ESCO1: variants seen among roughly 807,000 people sequenced by gnomAD.
ESCO1 encodes N-acetyltransferase ESCO1.
A neutral mutation model predicts 83.5 loss-of-function variants in ESCO1; 33 were observed. The observed-to-expected ratio is 0.40, with a 90% confidence interval of 0.30 to 0.53. The LOEUF is 0.53. Among genes scored for constraint, ESCO1 ranks in the 20% least tolerant of loss-of-function variants. The probability of loss-of-function intolerance (pLI) is 0.63; values close to 1 mark genes in which losing one functional copy is unlikely to be tolerated. For missense variants in ESCO1, 855 were observed against 968.0 expected, an observed-to-expected ratio of 0.88 and a Z score of 1.55; for synonymous variants, 332 against 324.3, an observed-to-expected ratio of 1.02 and a Z score of -0.25.
At chr18:21,592,766 C>T (rs1203413877) in intron 1 of ESCO1, among the ~76,000 whole-genome samples, 3 of 147,670 alleles carry the variant, frequency 2.0e-5, no homozygotes, top group African/African-American at 5.1e-5. Context: ...GGGCGGCTGC[C>T]GGGCGGAGGG....
intron 1 of ESCO1, among the ~76,000 whole-genome samples, chr18:21,590,096 G>C (rs1325346832): frequency 6.6e-6 from 1 of 152,028 alleles, no homozygotes; most frequent in African/African-American, 2.4e-5. Context: ...CAAAGTGCTG[G>C]GATTACAGGC....
intron 7 of ESCO1, 96 bp from the exon 8 acceptor site, chr18:21,561,086 T>C (rs1287585823): frequency 1.9e-5 from 22 of 1,188,624 alleles, no homozygotes; most frequent in African/African-American, 1.3e-4. Flanking sequence ...AAAGTAAGAA[T>C]TGTTTAATCT....
chr18:21,568,106 T>C lies in ESCO1; in HGVS notation c.1531-12A>G. ...CATTGGCTGAAATTCTGAACACATA[T>C]AATTCAAAATTTTTACATCAACTTT... On this transcript the variant is annotated splice_polypyrimidine_tract_variant and intron_variant, in intron 4 of 11. Transcript: ENST00000269214. 1.3e-6 allele frequency: 2 copies of C among 1,583,710 alleles called. No individual in the cohort carries two copies. Among genetic ancestry groups the C allele is most frequent in the Non-Finnish European group, 1.7e-6 (2 of 1,160,722 alleles).
chr18:21,583,920 A>C (rs1464292323), intron 2 of ESCO1, among the ~76,000 whole-genome samples: 1 of 152,244 alleles, frequency 6.6e-6, no homozygotes, highest in African/African-American at 2.4e-5. Context: ...ATATGGAACC[A>C]TGACGAAGAA....
intron 8 of ESCO1, among the ~76,000 whole-genome samples, chr18:21,556,953 G>C (rs1390965166): frequency 1.3e-5 from 2 of 152,134 alleles, no homozygotes. Flanking sequence ...CACCCCCTCG[G>C]CATCCCAAAG....
chr18:21,571,472 G>T (rs187913076), intron 4 of ESCO1, among the ~76,000 whole-genome samples: 1 of 152,168 alleles, frequency 6.6e-6, no homozygotes, highest in Non-Finnish European at 1.5e-5. Flanking sequence ...TTAAAGGCAT[G>T]AGCCACCACG....
At chr18:21,596,956 A>G (rs1246325602) in intron 1 of ESCO1, 2 of 152,240 alleles carry the variant, frequency 1.3e-5, no homozygotes, top group Non-Finnish European at 2.9e-5. Flanking sequence ...TATTTACCTT[A>G]AAGCAGTAGT....
intron 4 of ESCO1, among the ~76,000 whole-genome samples, chr18:21,569,042 C>T (rs907760624): frequency 1.1e-4 from 16 of 152,182 alleles, no homozygotes; most frequent in Admixed American, 3.9e-4. Context: ...TAGTGCTGAT[C>T]CAGAATACCT....
At chr18:21,583,905 A>C (rs779873693) in intron 2 of ESCO1, among the ~76,000 whole-genome samples, 1 of 152,334 alleles carries the variant, frequency 6.6e-6, no homozygotes, top group Non-Finnish European at 1.5e-5. Context: ...ATAGAGATGT[A>C]AGTTATATGG....
chr18:21,532,744 A>G, intron 10 of ESCO1, 84 bp from the exon 11 acceptor site: 7 of 1,333,502 alleles, frequency 5.2e-6, no homozygotes, highest in Non-Finnish European at 7.1e-6. Flanking sequence ...CGGTTATGAC[A>G]TTTGACTGGC....
At chr18:21,562,766 C>T (rs564003279) in intron 7 of ESCO1, among the ~76,000 whole-genome samples, 3 of 152,070 alleles carry the variant, frequency 2.0e-5, no homozygotes, top group South Asian at 4.1e-4. Context: ...AAAATATCTC[C>T]TGTTTTCCAA....
chr18:21,563,461 C>A (rs2038215982), intron 7 of ESCO1, among the ~76,000 whole-genome samples: 1 of 152,184 alleles, frequency 6.6e-6, no homozygotes, highest in Non-Finnish European at 1.5e-5. Context: ...GACTCTCCTG[C>A]CTCAGATTCC....
intron 10 of ESCO1, among the ~76,000 whole-genome samples, chr18:21,534,031 T>C (rs1442741380): frequency 2.0e-5 from 3 of 152,180 alleles, no homozygotes; most frequent in African/African-American, 7.2e-5. Context: ...TCCTCCGATC[T>C]AAGCCTCCCA....
chr18:21,556,011 T>C (rs1598461043), intron 8 of ESCO1, among the ~76,000 whole-genome samples: 3 of 152,008 alleles, frequency 2.0e-5, no homozygotes, highest in Admixed American at 2.0e-4. Context: ...TCCCAGCACT[T>C]TGGGAACTCA....
At chr18:21,593,611 G>GGGAGAGGGAGAC (rs1415353230) in intron 1 of ESCO1, 8 of 150,796 alleles carry the variant, frequency 5.3e-5, no homozygotes, top group African/African-American at 1.5e-4. Flanking sequence ...GAGAGGGAGA[G>GGGAGAGGGAGAC]GGAGAGGGAG....
At chr18:21,543,064 T>C (rs530897282) in intron 8 of ESCO1, among the ~76,000 whole-genome samples, 3 of 152,332 alleles carry the variant, frequency 2.0e-5, no homozygotes, top group Non-Finnish European at 4.4e-5. Flanking sequence ...CCAAAACCCA[T>C]TTTTTCTTAC....
chr18:21,587,134 T>A (rs531372381), intron 1 of ESCO1, among the ~76,000 whole-genome samples: 2 of 152,324 alleles, frequency 1.3e-5, no homozygotes, highest in South Asian at 2.1e-4. Flanking sequence ...CTGGACTCAG[T>A]CTGCAAATAT....
chr18:21,582,108 T>C (rs2038510654), intron 2 of ESCO1, among the ~76,000 whole-genome samples: 1 of 152,100 alleles, frequency 6.6e-6, no homozygotes, highest in African/African-American at 2.4e-5. Flanking sequence ...GTTAATTAAT[T>C]GGTGTTAGAA....
intron 8 of ESCO1, among the ~76,000 whole-genome samples, chr18:21,556,296 T>C (rs1418555497): frequency 6.6e-6 from 1 of 152,134 alleles, no homozygotes; most frequent in Non-Finnish European, 1.5e-5. Flanking sequence ...AAATCTCTAA[T>C]CCTGCTCTAC....
Sources: allele counts gnomAD v4.1 joint callset (sites outside exome capture counted in the v4.1 genomes callset), GRCh38; gene constraint gnomAD v4.1.1; transcripts MANE v1.5; gene names NCBI Gene and HGNC (gene_info 2026-07-23, HGNC 2026-07-21).